The following PCDHA1 variants were observed in gnomAD, a reference collection of about 807,000 sequenced individuals.
The protein encoded by PCDHA1 is protocadherin alpha 1.
A neutral mutation model predicts 61.3 loss-of-function variants in PCDHA1; 42 were observed. The observed-to-expected ratio is 0.69, with a 90% CI of 0.54 to 0.89. The LOEUF is 0.89. Among genes scored for constraint, PCDHA1 ranks in the 40% least tolerant of loss-of-function variants. PCDHA1 has a pLI of 0.00. For missense variants in PCDHA1, 1,256 were observed against 1,235.3 expected (o/e 1.02, Z -0.25); for synonymous variants, 610 against 553.8 (o/e 1.10, Z -1.43).
intron 1 of PCDHA1, chr5:140,967,224 A>G (rs2096116008): frequency 6.2e-7 from 1 of 1,613,708 alleles, no homozygotes; most frequent in Non-Finnish European, 8.5e-7. Flanking sequence ...CGGCCCAACT[A>G]CCAGCTTCAG....
At chr5:140,900,058 C>G (rs1013599044) in intron 1 of PCDHA1, among the ~76,000 whole-genome samples, 1 of 152,160 alleles carries the variant, frequency 6.6e-6, no homozygotes, top group Non-Finnish European at 1.5e-5. Flanking sequence ...GATCCTTTAA[C>G]CTCAGCCTCC....
At chr5:140,823,377 G>A (rs1767681513) in intron 1 of PCDHA1, 2 of 1,612,774 alleles carry the variant, frequency 1.2e-6, no homozygotes, top group Non-Finnish European at 1.7e-6. Context: ...AGTTCCAGGT[G>A]AGCGCGCGCG....
At chr5:140,843,379 T>G in intron 1 of PCDHA1, 1 of 1,595,912 alleles carries the variant, frequency 6.3e-7, no homozygotes, top group Non-Finnish European at 8.6e-7. Flanking sequence ...CGGCTGGCGT[T>G]TTGGGTCCGG....
chr5:140,985,878 T>A (rs891027308), intron 3 of PCDHA1, among the ~76,000 whole-genome samples: 1 of 151,822 alleles, frequency 6.6e-6, no homozygotes, highest in South Asian at 2.1e-4. Flanking sequence ...TAGCTGGGAC[T>A]ACAGGCGCCC....
rs1554117568 is a variant in PCDHA1 at position 140,786,839 on chromosome 5, G to A, written c.549G>A (p.Glu183=). 6 of 1,614,064 alleles carry A rather than the reference G, an allele frequency of 3.7e-6. No homozygotes were observed. The highest frequency in any genetic ancestry group is 5.1e-6 in the Non-Finnish European group (6 of 1,180,044). ...SPSDYFSLDV[E]ASDELSKSLW... ...GTGATTATTTCTCTTTGGATGTAGA[G>A]GCAAGTGATGAACTGAGTAAATCTC... Residue 183 remains glutamate (E), a synonymous_variant, in exon 1 of 4, where the codon GAG becomes GAA. Coordinates refer to ENST00000504120, the MANE Select transcript of PCDHA1 (RefSeq NM_018900.4).
intron 1 of PCDHA1, chr5:140,794,777 T>G: frequency 1.5e-6 from 1 of 648,108 alleles, no homozygotes; most frequent in South Asian, 2.3e-5. Context: ...AGTAGAGCCT[T>G]CCTTTTAGCC....
At chr5:140,884,063 G>T in intron 1 of PCDHA1, 1 of 1,613,496 alleles carries the variant, frequency 6.2e-7, no homozygotes, top group Non-Finnish European at 8.5e-7. Context: ...CGCGGTGGAC[G>T]CCGATTCGGG....
chr5:140,788,861 AG>A (rs1761499610), intron 1 of PCDHA1, 177 bp downstream of exon 1: 1 of 1,359,986 alleles, frequency 7.4e-7, no homozygotes, highest in African/African-American at 1.5e-5. Context: ...GGAACTAGAA[AG>A]CAAAGAAAAA....
chr5:140,911,626 T>C (rs1436086231), intron 1 of PCDHA1, among the ~76,000 whole-genome samples: 5 of 152,180 alleles, frequency 3.3e-5, no homozygotes, highest in African/African-American at 1.2e-4. Context: ...TCCCCACATA[T>C]GGTCAAAGGT....
intron 1 of PCDHA1, chr5:140,808,960 G>A (rs1554124917): frequency 6.2e-7 from 1 of 1,613,474 alleles, no homozygotes; most frequent in Admixed American, 1.7e-5. Context: ...GCCACGTGGT[G>A]GCAAAGGTGC....
rs1781486578 is a variant in PCDHA1, at chr5:140,848,384, T to G, written c.2394+59700T>G. Reference sequence around the variant, plus strand: ...GGAAAGAGGCTCAATTCTTTTTCACTCTCTCTGTGCTGAACGATGGCGAAC... The same window carrying G: ...GGAAAGAGGCTCAATTCTTTTTCACGCTCTCTGTGCTGAACGATGGCGAAC... On this transcript the variant is annotated intron_variant, in intron 1 of 3. Transcript: ENST00000504120. 4 of 1,203,868 alleles carry G rather than the reference T, an allele frequency of 3.3e-6. No homozygotes were observed. In the East Asian group the frequency reaches 9.3e-5, roughly 28 times the overall value. The allele number at this position is 1,203,868 out of a possible 1,614,324, so 74.6% of individuals were successfully genotyped here. A position where few individuals can be genotyped will look rare whatever the true frequency, so the allele number is the denominator to read the frequency against.
At chr5:140,897,833 C>T (rs1366388258) in intron 1 of PCDHA1, among the ~76,000 whole-genome samples, 14 of 152,138 alleles carry the variant, frequency 9.2e-5, no homozygotes, top group African/African-American at 3.4e-4. Flanking sequence ...TATTTCTCCA[C>T]ATCCTCTCCA....
At chr5:140,876,768 G>A (rs2056572417) in intron 1 of PCDHA1, 3 of 1,614,212 alleles carry the variant, frequency 1.9e-6, no homozygotes, top group Non-Finnish European at 2.5e-6. Flanking sequence ...ATGGGGGCTC[G>A]CCTTCGCTGT....
At chr5:140,808,905 C>A in intron 1 of PCDHA1, 1 of 1,613,538 alleles carries the variant, frequency 6.2e-7, no homozygotes, top group Non-Finnish European at 8.5e-7. Context: ...GCGGGTGGCA[C>A]TGGTGGCGCA....
chr5:140,978,680 T>C (rs2096816388), intron 1 of PCDHA1, among the ~76,000 whole-genome samples: 1 of 152,240 alleles, frequency 6.6e-6, no homozygotes, highest in Non-Finnish European at 1.5e-5. Context: ...CAGACATGTA[T>C]TGGGCAAGGC....
intron 1 of PCDHA1, among the ~76,000 whole-genome samples, chr5:140,878,873 T>A (rs1267188729): frequency 1.3e-5 from 2 of 152,248 alleles, no homozygotes; most frequent in African/African-American, 2.4e-5. Flanking sequence ...CATTTCAGCC[T>A]TTCAAGTAGC....
chr5:140,887,624 GT>G (rs1369272233), intron 1 of PCDHA1, among the ~76,000 whole-genome samples: 1 of 151,558 alleles, frequency 6.6e-6, no homozygotes, highest in Non-Finnish European at 1.5e-5. Flanking sequence ...TTTTCTTTAT[GT>G]TAGTCTGTTG....
At chr5:140,957,225 G>C (rs1585702621) in intron 1 of PCDHA1, among the ~76,000 whole-genome samples, 1 of 152,072 alleles carries the variant, frequency 6.6e-6, no homozygotes, top group Admixed American at 6.6e-5. Flanking sequence ...ATTTGGCGAA[G>C]CATTTTGGCA....
At chr5:140,870,543 CGCGGACGCGCAG>C in intron 1 of PCDHA1, 1 of 1,614,114 alleles carries the variant, frequency 6.2e-7, no homozygotes, top group Non-Finnish European at 8.5e-7. Context: ...CGGCGCGGGA[CGCGGACGCGCAG>C]GAGAACGCGC....
Sources: gnomAD v4.1 joint callset for allele counts (sites outside exome capture counted in the v4.1 genomes callset) on GRCh38, gnomAD v4.1.1 for gene constraint, MANE v1.5 for transcripts, NCBI Gene and HGNC (gene_info 2026-07-23, HGNC 2026-07-21) for gene names.